The following ABHD6 variants were observed in gnomAD, a reference collection of about 807,000 sequenced individuals.
ABHD6 encodes abhydrolase domain containing 6, acylglycerol lipase.
In ABHD6, 33 loss-of-function variants were observed where a neutral mutation model predicts 38.8. The ratio of observed to expected loss-of-function variants is 0.85; its 90% CI spans 0.64 to 1.14. The LOEUF is 1.14. ABHD6 is among the 50% of genes most tolerant of loss of function. ABHD6 has a pLI of 0.00. For missense variants in ABHD6, 380 were observed against 422.6 expected (o/e 0.90, Z 0.88); for synonymous variants, 147 against 161.6 (o/e 0.91, Z 0.69).
chr3:58,258,116 C>T (rs1273689682), intron 3 of ABHD6, among the ~76,000 whole-genome samples: 1 of 151,868 alleles, frequency 6.6e-6, no homozygotes, highest in Admixed American at 6.6e-5. Context: ...GAGACCAGCC[C>T]GACCAACATG....
chr3:58,259,731 A>G lies in ABHD6; in HGVS notation c.119+3026A>G, dbSNP rs558451657. Among the ~76,000 whole-genome samples the G allele has an allele frequency of 4.5e-4, 68 of 152,298 alleles. No homozygotes were observed. Among genetic ancestry groups the G allele is most frequent in the Non-Finnish European group, 7.2e-4 (49 of 68,032 alleles). On this transcript the variant is annotated intron_variant, in intron 3 of 9. Coordinates refer to ENST00000478253, the MANE Select transcript of ABHD6 (RefSeq NM_001320126.2). This position sits in a 1 kb window ranked among gnomAD's most constrained non-coding sequence, Gnocchi z 4.7. ...ATATAAATGTAAATAAATAAAATGT[A>G]CAATTCAGTGGTTTTAATATATTCA...
chr3:58,257,480 A>T lies in ABHD6; in HGVS notation c.119+775A>T, dbSNP rs1279791898. 1.3e-5 allele frequency among the ~76,000 whole-genome samples: 2 copies of T among 151,800 alleles called. No homozygotes were observed. Among genetic ancestry groups the T allele is most frequent in the Non-Finnish European group, 2.9e-5 (2 of 67,978 alleles). On this transcript the variant is annotated intron_variant, in intron 3 of 9. Coordinates refer to ENST00000478253, the MANE Select transcript of ABHD6 (RefSeq NM_001320126.2). The surrounding 1 kb of genome is among the most constrained non-coding windows in gnomAD (Gnocchi z 4.8). Reference sequence around the variant, plus strand: ...CAGGCTCAAGCGATTCTCTTGCCTCAGCCTCCCAAGTAGCTAGGACTACAG... The same window carrying T: ...CAGGCTCAAGCGATTCTCTTGCCTCTGCCTCCCAAGTAGCTAGGACTACAG...
At chr3:58,250,666 C>A (rs945736940) in intron 2 of ABHD6, among the ~76,000 whole-genome samples, 3 of 151,984 alleles carry the variant, frequency 2.0e-5, no homozygotes, top group Non-Finnish European at 4.4e-5. Context: ...TTCTTTTTAC[C>A]TTACATTCCT....
chr3:58,268,406 A>C (rs968234983), intron 4 of ABHD6, among the ~76,000 whole-genome samples: 30 of 152,006 alleles, frequency 2.0e-4, no homozygotes, highest in African/African-American at 7.0e-4. Context: ...GTCTTGATCT[A>C]GCAGCTTTCT....
intron 7 of ABHD6, among the ~76,000 whole-genome samples, chr3:58,284,519 C>G (rs1198394186): frequency 6.6e-6 from 1 of 151,342 alleles, no homozygotes; most frequent in Non-Finnish European, 1.5e-5. Context: ...GGCGCAATCT[C>G]AGCTCACTGC....
At chr3:58,262,884 A>G (rs2107444923) in intron 3 of ABHD6, among the ~76,000 whole-genome samples, 1 of 152,312 alleles carries the variant, frequency 6.6e-6, no homozygotes, top group East Asian at 1.9e-4. Flanking sequence ...AGCCTAGCCA[A>G]CATGGTGAAA....
At position 58,274,659 on chromosome 3, in the gene ABHD6, C is replaced by T. The variant is rs758392919; in HGVS notation, c.525C>T (p.Gly175=). 6.2e-7 allele frequency: 1 copy of T among 1,613,730 alleles called. No homozygotes were observed. The highest frequency in any genetic ancestry group is 8.5e-7 in the Non-Finnish European group (1 of 1,179,752). The change falls in exon 7 of 10, where the codon GGC becomes GGT. Residue 175 remains glycine, a splice_region_variant and synonymous_variant. Transcript: ENST00000478253. ...VSSLCLVCPA[G]LQYSTDNQFV... ...GCCATTTGGGTTTGAATCCCACAGG[C>T]CTGCAGTACTCAACTGACAATCAAT...
intron 3 of ABHD6, among the ~76,000 whole-genome samples, chr3:58,261,704 G>A (rs1158119358): frequency 2.0e-5 from 3 of 152,168 alleles, no homozygotes; most frequent in Non-Finnish European, 4.4e-5. Context: ...TGGAAAATAA[G>A]TGTTGGTGAG....
chr3:58,266,661 A>C lies in ABHD6; in HGVS notation c.120-528A>C, dbSNP rs1037831342. 6.6e-6 allele frequency among the ~76,000 whole-genome samples: 1 copy of C among 152,218 alleles called. No individual in the cohort carries two copies. The highest frequency in any genetic ancestry group is 2.4e-5 in the African/African-American group (1 of 41,458). ...AAGTGCACCTCTGATTGAATTAATTATCTCTCATCTTGGAGGGATTCACCA... is the reference window on the plus strand; with the variant it reads ...AAGTGCACCTCTGATTGAATTAATTCTCTCTCATCTTGGAGGGATTCACCA... On this transcript the variant is annotated intron_variant, in intron 3 of 9. Coordinates refer to ENST00000478253, the MANE Select transcript of ABHD6 (RefSeq NM_001320126.2). The surrounding 1 kb of genome is among the most constrained non-coding windows in gnomAD (Gnocchi z 4.0).
chr3:58,262,152 T>C (rs1247312528), intron 3 of ABHD6, among the ~76,000 whole-genome samples: 2 of 152,074 alleles, frequency 1.3e-5, no homozygotes, highest in Admixed American at 1.3e-4. Context: ...ATAGAGAAAG[T>C]AGAATAGAGG....
Position 58,293,477 on chromosome 3 carries a change from T to C in ABHD6, c.838-112T>C. The stretch of plus-strand genomic sequence containing the variant: ...AAGGGACTTGGTCCTAAAATTCACA[T>C]CCTCCTGCCCCACTGACCCCTGCCA... On this transcript the variant is annotated intron_variant, in intron 9 of 9. Transcript: ENST00000478253. The surrounding 1 kb of genome is among the most constrained non-coding windows in gnomAD (Gnocchi z 4.4). 1 of 1,152,742 alleles carries C rather than the reference T, an allele frequency of 8.7e-7. No homozygotes were observed. The allele number at this position is 1,152,742 out of a possible 1,614,324, so 71.4% of individuals were successfully genotyped here. A position where few individuals can be genotyped will look rare whatever the true frequency, so the allele number is the denominator to read the frequency against.
At position 58,264,442 on chromosome 3, in the gene ABHD6, CACATAT is replaced by C. The variant is rs1287325618; in HGVS notation, c.120-2746_120-2741del. ...ACACACACACACACACACACACACA[CACATAT>C]GCCAGGTGCAGTGGCTCAGTGGCAG... On this transcript the variant is annotated intron_variant, in intron 3 of 9. Coordinates refer to ENST00000478253, the MANE Select transcript of ABHD6 (RefSeq NM_001320126.2). Among the ~76,000 whole-genome samples, 73 of 96,570 alleles carry C rather than the reference CACATAT, an allele frequency of 7.6e-4. 2 individuals are homozygous for C. The highest frequency in any genetic ancestry group is 4.1e-3 in the South Asian group (15 of 3,680). The allele number at this position is 96,570 out of a possible 152,430, so 63.4% of individuals were successfully genotyped here.
rs1377216056 is a variant in ABHD6, at chr3:58,259,607, G to A, written c.119+2902G>A. 6.6e-6 allele frequency among the ~76,000 whole-genome samples: 1 copy of A among 152,188 alleles called. No individual in the cohort carries two copies. On this transcript the variant is annotated intron_variant, in intron 3 of 9. Coordinates refer to ENST00000478253, the MANE Select transcript of ABHD6 (RefSeq NM_001320126.2). This position sits in a 1 kb window ranked among gnomAD's most constrained non-coding sequence, Gnocchi z 4.7. Reference sequence around the variant, plus strand: ...GAGGCAGAAGAATCGCTTGAACCCAGGAAGCGGAGGTTGCAGTGAGCCGAG... The same window carrying A: ...GAGGCAGAAGAATCGCTTGAACCCAAGAAGCGGAGGTTGCAGTGAGCCGAG...
rs1305652783 is a variant in ABHD6, at chr3:58,259,795, A to G, written c.119+3090A>G. On this transcript the variant is annotated intron_variant, in intron 3 of 9. Coordinates refer to ENST00000478253, the MANE Select transcript of ABHD6 (RefSeq NM_001320126.2). The surrounding 1 kb of genome is among the most constrained non-coding windows in gnomAD (Gnocchi z 4.7). ...CCATTACCACTATCTAATTTCAAAT[A>G]TTTCCACCTCCCCAAAGGAGTCCCC... Among the ~76,000 whole-genome samples the G allele has an allele frequency of 6.6e-6, 1 of 152,176 alleles. No homozygotes were observed. Among genetic ancestry groups the G allele is most frequent in the African/African-American group, 2.4e-5 (1 of 41,434 alleles).
Position 58,273,983 on chromosome 3 carries a change from A to G in ABHD6, c.524-675A>G, listed in dbSNP as rs1210795268. ...AAATTAGTTTTGCCCTCTTGCATAC[A>G]TAGCATCAGCTTCTGTGGACTCTCG... On this transcript the variant is annotated intron_variant, in intron 6 of 9. Transcript: ENST00000478253. The surrounding 1 kb of genome is among the most constrained non-coding windows in gnomAD (Gnocchi z 4.8). 6.6e-6 allele frequency among the ~76,000 whole-genome samples: 1 copy of G among 152,218 alleles called. No individual in the cohort carries two copies. The highest frequency in any genetic ancestry group is 1.5e-5 in the Non-Finnish European group (1 of 68,038).
chr3:58,274,561 A>G, intron 6 of ABHD6, 97 bp from the exon 7 acceptor site: 1 of 1,299,642 alleles, frequency 7.7e-7, no homozygotes, highest in East Asian at 2.4e-5. Context: ...AACCTGAAAT[A>G]TATTAACTCT....
At chr3:58,246,021 C>T (rs76632171) in intron 1 of ABHD6, among the ~76,000 whole-genome samples, 4,572 of 152,288 alleles carry the variant, frequency 0.03, 100 homozygotes, top group Admixed American at 0.055. Context: ...TAGTCACTTA[C>T]ATGATGCTCT....
chr3:58,274,494 G>A (rs1229400050), intron 6 of ABHD6, among the ~76,000 whole-genome samples, 164 bp from the exon 7 acceptor site: 1 of 152,158 alleles, frequency 6.6e-6, no homozygotes, highest in African/African-American at 2.4e-5. Flanking sequence ...TCTCAGTGTG[G>A]TTTTGATTTG....
At position 58,267,472 on chromosome 3, in the gene ABHD6, C is replaced by T; in HGVS notation, c.276+127C>T. On this transcript the variant is annotated intron_variant, in intron 4 of 9. Coordinates refer to ENST00000478253, the MANE Select transcript of ABHD6 (RefSeq NM_001320126.2). The surrounding 1 kb of genome is among the most constrained non-coding windows in gnomAD (Gnocchi z 4.3). ...TTGAGTCCAGGAGTTCAAAACCAGC[C>T]TGGACAACATAAAGAAACCCTGTCT... 8.3e-7 allele frequency: 1 copy of T among 1,211,554 alleles called. No individual in the cohort carries two copies. Among genetic ancestry groups the T allele is most frequent in the Non-Finnish European group, 1.2e-6 (1 of 859,426 alleles). 75.1% of individuals were successfully genotyped at this position (1,211,554 alleles called of 1,614,324 possible).
Sources: allele counts gnomAD v4.1 joint callset (sites outside exome capture counted in the v4.1 genomes callset), GRCh38; gene constraint gnomAD v4.1.1; non-coding constraint Gnocchi (gnomAD v3.1); transcripts MANE v1.5; gene names NCBI Gene and HGNC (gene_info 2026-07-23, HGNC 2026-07-21).